The following PITPNA variants were observed in gnomAD, a reference collection of about 807,000 sequenced individuals.
PITPNA encodes the protein phosphatidylinositol transfer protein alpha isoform.
Under a neutral mutation model 50.3 loss-of-function variants are expected in PITPNA, and 13 were observed. That is an observed-to-expected ratio of 0.26 (90% CI 0.17 to 0.41). The LOEUF (loss-of-function observed/expected upper bound fraction) is 0.41. Among genes scored for constraint, PITPNA ranks in the 10% least tolerant of loss-of-function variants. The pLI, the probability that PITPNA is intolerant of heterozygous loss-of-function variation, is 1.00. For synonymous variants in PITPNA, 120 were observed against 119.6 expected (o/e 1.00, Z -0.02); for missense variants, 207 against 333.4 (o/e 0.62, Z 2.95).
intron 3 of PITPNA, among the ~76,000 whole-genome samples, 173 bp downstream of exon 3, chr17:1,552,831 A>G (rs2075716478): frequency 6.6e-6 from 1 of 152,236 alleles, no homozygotes; most frequent in Admixed American, 6.5e-5. Context: ...AAGGAATAGT[A>G]TATTCCCATC....
intron 5 of PITPNA, among the ~76,000 whole-genome samples, chr17:1,542,605 G>A (rs1251024070): frequency 6.6e-6 from 1 of 152,226 alleles, no homozygotes; most frequent in African/African-American, 2.4e-5. Flanking sequence ...CAATGACAGA[G>A]GGGACGGCTG....
At position 1,533,669 on chromosome 17, in the gene PITPNA, T is replaced by C. The variant is rs552611476; in HGVS notation, c.768+430A>G. ...CAACTCTGATAGCTCAAAATGACCGTAGACAGCCGCCAGCTGTCAGCTCCT... is the reference window on the plus strand; with the variant it reads ...CAACTCTGATAGCTCAAAATGACCGCAGACAGCCGCCAGCTGTCAGCTCCT... On this transcript the variant is annotated intron_variant, in intron 10 of 11. Coordinates refer to ENST00000313486, the MANE Select transcript of PITPNA (RefSeq NM_006224.4). Among the ~76,000 whole-genome samples, 11 of 152,280 alleles carry C rather than the reference T, an allele frequency of 7.2e-5. No individual in the cohort carries two copies. In the South Asian group the frequency reaches 8.3e-4, roughly 11 times the overall value.
At chr17:1,526,910 G>C (rs1262858012) in intron 10 of PITPNA, among the ~76,000 whole-genome samples, 4 of 152,028 alleles carry the variant, frequency 2.6e-5, no homozygotes, top group Non-Finnish European at 5.9e-5. Context: ...GATTAGAGGT[G>C]CACCACATCC....
Position 1,521,142 on chromosome 17 carries a change from G to A in PITPNA, c.*22+437C>T, listed in dbSNP as rs191603039. The stretch of plus-strand genomic sequence containing the variant: ...TCGGGGGTATAAAGAAGGAAATGAA[G>A]CACCAGACAACAGTGGGTGCTAACA... On this transcript the variant is annotated intron_variant, in intron 11 of 11. Transcript: ENST00000313486. Among the ~76,000 whole-genome samples, 130 of 152,278 alleles carry A rather than the reference G, an allele frequency of 8.5e-4. No homozygotes were observed. In the East Asian group the frequency reaches 0.019, roughly 23 times the overall value.
chr17:1,529,993 T>C (rs2075571998), intron 10 of PITPNA, among the ~76,000 whole-genome samples: 1 of 152,216 alleles, frequency 6.6e-6, no homozygotes, highest in Non-Finnish European at 1.5e-5. Context: ...GTCCTCAACT[T>C]CTGTGAGCCA....
At position 1,518,470 on chromosome 17, in the gene PITPNA, A is replaced by G. The variant is rs1311804153; in HGVS notation, c.*2091T>C. On this transcript the variant is annotated 3_prime_UTR_variant, in exon 12 of 12. Coordinates refer to ENST00000313486, the MANE Select transcript of PITPNA (RefSeq NM_006224.4). ...GCCAACACTGTTGCCCAGCAGCAAC[A>G]CCATCCGTGGGGATGGAACAGACCA... 3 of 152,694 alleles carry G rather than the reference A, an allele frequency of 2.0e-5. No homozygotes were observed. Among genetic ancestry groups the G allele is most frequent in the South Asian group, 2.1e-4 (1 of 4,834 alleles). 9.5% of individuals were successfully genotyped at this position (152,694 alleles called of 1,614,324 possible). A position where few individuals can be genotyped will look rare whatever the true frequency, so the allele number is the denominator to read the frequency against.
rs1230288551 is a variant in PITPNA, at chr17:1,518,274, A to T, written c.*2287T>A. ...AGCCCAGCACCCCTCCTACAGAGGCACTGCTGCTTCTGTTGGGGCTGTGAC... is the reference window on the plus strand; with the variant it reads ...AGCCCAGCACCCCTCCTACAGAGGCTCTGCTGCTTCTGTTGGGGCTGTGAC... On this transcript the variant is annotated 3_prime_UTR_variant, in exon 12 of 12. Transcript: ENST00000313486. 1 of 152,494 alleles carries T rather than the reference A, an allele frequency of 6.6e-6. No individual in the cohort carries two copies. The highest frequency in any genetic ancestry group is 1.5e-5 in the Non-Finnish European group (1 of 68,042). The allele number at this position is 152,494 out of a possible 1,614,324, so 9.4% of individuals were successfully genotyped here.
intron 4 of PITPNA, among the ~76,000 whole-genome samples, chr17:1,544,815 G>T (rs1039544202): frequency 6.6e-6 from 1 of 152,156 alleles, no homozygotes; most frequent in Non-Finnish European, 1.5e-5. Flanking sequence ...GCGCATGCCT[G>T]TAATCCCAGG....
At chr17:1,534,008 G>T in intron 10 of PITPNA, 91 bp downstream of exon 10, 1 of 1,454,998 alleles carries the variant, frequency 6.9e-7, no homozygotes, top group Non-Finnish European at 9.6e-7. Flanking sequence ...CAGAACTACA[G>T]GATGGTGCTC....
intron 10 of PITPNA, among the ~76,000 whole-genome samples, chr17:1,528,093 A>T (rs1477870723): frequency 6.6e-6 from 1 of 152,116 alleles, no homozygotes; most frequent in African/African-American, 2.4e-5. Context: ...TGGGAGGCTG[A>T]GGTGGGTGGA....
chr17:1,561,742 A>T (rs1196749191), intron 1 of PITPNA, among the ~76,000 whole-genome samples: 1 of 151,962 alleles, frequency 6.6e-6, no homozygotes, highest in Non-Finnish European at 1.5e-5. Flanking sequence ...GCATGTCCTC[A>T]GACCCTTCAC....
chr17:1,557,597 G>A (rs1297475308), intron 2 of PITPNA, among the ~76,000 whole-genome samples: 1 of 152,156 alleles, frequency 6.6e-6, no homozygotes, highest in African/African-American at 2.4e-5. Context: ...AGACAAGGGA[G>A]GTTCCGTGAC....
chr17:1,535,054 C>T (rs1241567862), intron 9 of PITPNA, 128 bp downstream of exon 9: 5 of 646,650 alleles, frequency 7.7e-6, no homozygotes, highest in Non-Finnish European at 1.4e-5. Context: ...CCACCACCCC[C>T]CACCGCACAC....
chr17:1,522,939 T>C (rs35367191), intron 10 of PITPNA, among the ~76,000 whole-genome samples: 14,262 of 152,244 alleles, frequency 0.094, 836 homozygotes, highest in East Asian at 0.14. Flanking sequence ...CCTGTGGCTC[T>C]CCGGGAGAGG....
At chr17:1,556,206 G>T (rs79482921) in intron 2 of PITPNA, among the ~76,000 whole-genome samples, 2 of 152,222 alleles carry the variant, frequency 1.3e-5, no homozygotes, top group African/African-American at 4.8e-5. Context: ...ACTAAGTTCC[G>T]CTTCGACCCT....
At chr17:1,546,055 G>T (rs1166077556) in intron 4 of PITPNA, among the ~76,000 whole-genome samples, 2 of 150,644 alleles carry the variant, frequency 1.3e-5, no homozygotes, top group African/African-American at 4.9e-5. Context: ...AGCCTCCCAA[G>T]TAGCTGGGGT....
rs1182589259 is a variant in PITPNA, at chr17:1,535,216, C to A, written c.611G>T (p.Gly204Val). The A allele has an allele frequency of 3.1e-6, 5 of 1,613,406 alleles. No homozygotes were observed. Among genetic ancestry groups the A allele is most frequent in the African/African-American group, 1.3e-5 (1 of 74,932 alleles). Residue 204 changes from glycine to valine, a missense_variant, in exon 9 of 12, where the codon GGC (glycine) becomes GTC (valine). Gly to Val is a moderately radical substitution (Grantham distance 109). Coordinates refer to ENST00000313486, the MANE Select transcript of PITPNA (RefSeq NM_006224.4). ...GAAGTTCTCCACTTTGTTCTGCAGG[C>A]CCCACCACTTGAACTTGACGGTCAC... ...KLVTVKFKWW[G>V]LQNKVENFIH...
At chr17:1,558,175 G>A (rs2151014873) in intron 2 of PITPNA, among the ~76,000 whole-genome samples, 1 of 149,636 alleles carries the variant, frequency 6.7e-6, no homozygotes, top group East Asian at 1.9e-4. Flanking sequence ...AGGTTGCAGT[G>A]AGCGGAGATC....
intron 7 of PITPNA, among the ~76,000 whole-genome samples, chr17:1,536,294 T>TC (rs1555531205): frequency 7.3e-5 from 11 of 149,694 alleles, no homozygotes; most frequent in African/African-American, 2.8e-4. Context: ...TTTTTTTTTT[T>TC]CTTTTTTTTT....
Sources: gnomAD v4.1 joint callset for allele counts (sites outside exome capture counted in the v4.1 genomes callset) on GRCh38, gnomAD v4.1.1 for gene constraint, MANE v1.5 for transcripts, NCBI Gene and HGNC (gene_info 2026-07-23, HGNC 2026-07-21) for gene names.